The following MAPK9 variants were observed in gnomAD, a reference collection of about 807,000 sequenced individuals.
MAPK9 encodes mitogen-activated protein kinase 9, also known as Jun kinase.
MAPK9 carries 30 observed loss-of-function variants against 57.1 expected under a neutral mutation model. The observed-to-expected ratio is 0.53, with a 90% confidence interval of 0.39 to 0.71. The LOEUF (loss-of-function observed/expected upper bound fraction) is 0.71. Among genes scored for constraint, MAPK9 ranks in the 30% least tolerant of loss-of-function variants. MAPK9 has a pLI of 0.00. For synonymous variants in MAPK9, 155 were observed against 177.0 expected (o/e 0.88, Z 0.99); for missense variants, 362 against 521.0 (o/e 0.69, Z 2.97).
chr5:180,272,832 A>G (rs532201390), intron 2 of MAPK9, among the ~76,000 whole-genome samples: 4 of 152,326 alleles, frequency 2.6e-5, no homozygotes, highest in African/African-American at 9.6e-5. Context: ...TCCCCTATGC[A>G]TGTGTTTCTG....
chr5:180,237,553 T>C (rs936409015), intron 11 of MAPK9: 4 of 152,196 alleles, frequency 2.6e-5, no homozygotes, highest in African/African-American at 9.7e-5. Context: ...AAGAATACCA[T>C]ACTCCATTTT....
At chr5:180,275,296 C>T (rs1761712087) in intron 2 of MAPK9, among the ~76,000 whole-genome samples, 1 of 152,090 alleles carries the variant, frequency 6.6e-6, no homozygotes, top group South Asian at 2.1e-4. Flanking sequence ...TACCTGGGGG[C>T]ACTAGCAATT....
At chr5:180,280,103 T>C (rs1309975870) in intron 2 of MAPK9, 2 of 460,582 alleles carry the variant, frequency 4.3e-6, no homozygotes, top group Non-Finnish European at 8.7e-6. Context: ...GATGAAGAAA[T>C]GAATAAAACT....
intron 5 of MAPK9, among the ~76,000 whole-genome samples, chr5:180,251,825 T>A (rs1299989258): frequency 2.0e-5 from 3 of 152,088 alleles, no homozygotes; most frequent in African/African-American, 4.8e-5. Context: ...ACCCGCAGCA[T>A]GAGTGGGGCA....
chr5:180,276,039 A>G (rs1761784130), intron 2 of MAPK9, among the ~76,000 whole-genome samples: 2 of 152,236 alleles, frequency 1.3e-5, no homozygotes, highest in Admixed American at 1.3e-4. Context: ...GCCCATAAAG[A>G]AACTGATTTG....
At chr5:180,268,434 A>C (rs1352410426) in intron 3 of MAPK9, among the ~76,000 whole-genome samples, 1 of 152,250 alleles carries the variant, frequency 6.6e-6, no homozygotes, top group African/African-American at 2.4e-5. Context: ...ATTTTATAGA[A>C]ACAGAGTATC....
intron 11 of MAPK9, chr5:180,238,114 AC>A (rs1422039468): frequency 5.6e-6 from 2 of 360,124 alleles, no homozygotes; most frequent in African/African-American, 4.3e-5. Context: ...TACTAAAAAT[AC>A]AAAAATTAGC....
intron 1 of MAPK9, among the ~76,000 whole-genome samples, chr5:180,282,125 G>C (rs1201763424): frequency 6.6e-6 from 1 of 152,240 alleles, no homozygotes; most frequent in African/African-American, 2.4e-5. Context: ...TCCAAGGACA[G>C]GAGGACAGGA....
Position 180,249,236 on chromosome 5 carries a change from G to A in MAPK9, c.451-98C>T. The A allele has an allele frequency of 2.8e-6, 3 of 1,082,278 alleles. No individual in the cohort carries two copies. In the South Asian group the frequency reaches 5.5e-5, roughly 20 times the overall value. The allele number at this position is 1,082,278 out of a possible 1,614,324, so 67.0% of individuals were successfully genotyped here. On this transcript the variant is annotated intron_variant, in intron 5 of 11. Transcript: ENST00000452135. ...TCGTGAAGCCAGTGTGAGAGTGTAG[G>A]GAGTGAACTGAACTCTGAGATTTGG...
chr5:180,284,173 A>G (rs956159183), intron 1 of MAPK9, among the ~76,000 whole-genome samples: 2 of 152,214 alleles, frequency 1.3e-5, no homozygotes, highest in Non-Finnish European at 2.9e-5. Context: ...GGGGCTCAGA[A>G]AACAGTTTTA....
At position 180,247,646 on chromosome 5, in the gene MAPK9, T is replaced by C; in HGVS notation, c.617-136A>G. ...TAGCTAAGGGTGACATTTTACACAA[T>C]ATGAATGATTGCTGACCTCTATTTT... On this transcript the variant is annotated intron_variant, in intron 6 of 11. Coordinates refer to ENST00000452135, the MANE Select transcript of MAPK9 (RefSeq NM_002752.5). The surrounding 1 kb of genome is among the most constrained non-coding windows in gnomAD (Gnocchi z 4.5). 3.1e-6 allele frequency: 3 copies of C among 956,520 alleles called. No homozygotes were observed. The highest frequency in any genetic ancestry group is 5.2e-5 in the East Asian group (2 of 38,342). The allele number at this position is 956,520 out of a possible 1,614,324, so 59.3% of individuals were successfully genotyped here. A position where few individuals can be genotyped will look rare whatever the true frequency, so the allele number is the denominator to read the frequency against.
At chr5:180,290,412 G>A (rs942221152) in intron 1 of MAPK9, among the ~76,000 whole-genome samples, 3 of 152,148 alleles carry the variant, frequency 2.0e-5, no homozygotes, top group Non-Finnish European at 1.5e-5. Context: ...CCTATAGCAA[G>A]GGTTGTACAG....
chr5:180,275,399 T>C (rs1481597092), intron 2 of MAPK9, among the ~76,000 whole-genome samples: 3 of 152,192 alleles, frequency 2.0e-5, no homozygotes, highest in African/African-American at 7.2e-5. Flanking sequence ...TTACCTTTAC[T>C]TCTAGGAAGC....
intron 6 of MAPK9, among the ~76,000 whole-genome samples, chr5:180,248,084 C>T (rs1758300455): frequency 6.6e-6 from 1 of 152,248 alleles, no homozygotes. Context: ...TTCTAGACTG[C>T]CCCGTCAGAA....
intron 5 of MAPK9, among the ~76,000 whole-genome samples, chr5:180,250,453 T>C (rs1483445972): frequency 6.6e-6 from 1 of 152,176 alleles, no homozygotes; most frequent in East Asian, 1.9e-4. Context: ...AATGTCAAAC[T>C]GCCAAGCCAC....
At chr5:180,260,449 T>C (rs1759814084) in intron 5 of MAPK9, among the ~76,000 whole-genome samples, 1 of 152,212 alleles carries the variant, frequency 6.6e-6, no homozygotes, top group Non-Finnish European at 1.5e-5. Context: ...TATTCCACAA[T>C]GCTCAAAACA....
intron 5 of MAPK9, 66 bp downstream of exon 5, chr5:180,261,618 G>A: frequency 7.4e-7 from 1 of 1,354,966 alleles, no homozygotes; most frequent in Non-Finnish European, 9.9e-7. Flanking sequence ...ATGTTATTTT[G>A]TATGTAAAGG....
intron 1 of MAPK9, among the ~76,000 whole-genome samples, chr5:180,284,160 A>C (rs1392342014): frequency 1.3e-5 from 2 of 152,200 alleles, no homozygotes; most frequent in African/African-American, 2.4e-5. Context: ...TGGACCATCA[A>C]CTGGGGCTCA....
Position 180,241,105 on chromosome 5 carries a change from T to C in MAPK9, c.922A>G (p.Lys308Glu), listed in dbSNP as rs750547153. ...LSKMLVIDPD[K>E]RISVDEALRH... ...AGAGCTTCGTCTACAGAGATCCGCTTGTCAGGATCAATCACTAACATTTTT... is the reference window on the plus strand; with the variant it reads ...AGAGCTTCGTCTACAGAGATCCGCTCGTCAGGATCAATCACTAACATTTTT... The change falls in exon 9 of 12, where the codon AAG becomes GAG. Residue 308 changes from lysine (K) to glutamate (E), a missense_variant. Lys to Glu is a moderately conservative substitution (Grantham distance 56). Coordinates refer to ENST00000452135, the MANE Select transcript of MAPK9 (RefSeq NM_002752.5). 1 of 1,614,138 alleles carries C rather than the reference T, an allele frequency of 6.2e-7. No individual in the cohort carries two copies. The highest frequency in any genetic ancestry group is 8.5e-7 in the Non-Finnish European group (1 of 1,180,010).
Sources: gnomAD v4.1 joint callset for allele counts (sites outside exome capture counted in the v4.1 genomes callset) on GRCh38, gnomAD v4.1.1 for gene constraint, Gnocchi (gnomAD v3.1) non-coding constraint, MANE v1.5 for transcripts, NCBI Gene and HGNC (gene_info 2026-07-23, HGNC 2026-07-21) for gene names.